The following TENM3 variants were observed in gnomAD, a reference collection of about 807,000 sequenced individuals.
TENM3 encodes teneurin-3.
In TENM3, 63 loss-of-function variants were observed where a neutral mutation model predicts 255.1. That is an observed-to-expected ratio of 0.25 (90% CI 0.20 to 0.30). The LOEUF (loss-of-function observed/expected upper bound fraction) is 0.30, where lower values mean the gene tolerates loss of function less well. Among genes scored for constraint, TENM3 ranks in the 10% least tolerant of loss-of-function variants. TENM3 has a pLI of 1.00. For missense variants in TENM3, 2,929 were observed against 3,461.1 expected (o/e 0.85, Z 3.86); for synonymous variants, 1,306 against 1,322.3 (o/e 0.99, Z 0.27).
At chr4:181,878,350 G>C in the TENM3 span, among the ~76,000 whole-genome samples, 3 of 152,042 alleles carry the variant, frequency 2.0e-5, no homozygotes, top group Non-Finnish European at 4.4e-5. Context: ...AGGGAGGAGA[G>C]AAGAGGGAGG....
chr4:181,479,724 T>C, the TENM3 span, among the ~76,000 whole-genome samples: 1 of 152,156 alleles, frequency 6.6e-6, no homozygotes, highest in Non-Finnish European at 1.5e-5. Flanking sequence ...TTTTGAACTG[T>C]TCTCCATGTA....
At chr4:182,011,955 C>G in the TENM3 span, among the ~76,000 whole-genome samples, 2 of 152,142 alleles carry the variant, frequency 1.3e-5, no homozygotes, top group Non-Finnish European at 2.9e-5. Flanking sequence ...ACAGACTAAG[C>G]CCATTCAAAG....
intron 1 of TENM3, among the ~76,000 whole-genome samples, chr4:182,147,347 A>C (rs149450135): frequency 3.3e-5 from 5 of 152,342 alleles, no homozygotes; most frequent in African/African-American, 1.2e-4. Context: ...TAGGGATACT[A>C]GGGAATAAGT....
the TENM3 span, among the ~76,000 whole-genome samples, chr4:181,826,429 G>A: frequency 2.0e-5 from 3 of 152,146 alleles, no homozygotes; most frequent in Non-Finnish European, 2.9e-5. Flanking sequence ...TAATTTATTT[G>A]TCTCACAAAG....
the TENM3 span, among the ~76,000 whole-genome samples, chr4:181,656,502 C>T: frequency 2.0e-5 from 3 of 152,152 alleles, no homozygotes; most frequent in African/African-American, 7.2e-5. Context: ...GGTGTGATGA[C>T]TGACATTCAG....
intron 4 of TENM3, among the ~76,000 whole-genome samples, chr4:182,609,421 G>T (rs933643566): frequency 1.3e-5 from 2 of 152,086 alleles, no homozygotes; most frequent in Non-Finnish European, 2.9e-5. Flanking sequence ...CAAACCTGAG[G>T]TAAAGTCTGT....
At chr4:181,522,739 C>T in the TENM3 span, 1 of 706,056 alleles carries the variant, frequency 1.4e-6, no homozygotes, top group South Asian at 1.4e-5. Context: ...TTGTTTCATT[C>T]TTCTAAGAAA....
At chr4:182,534,507 A>C (rs888667989) in intron 3 of TENM3, among the ~76,000 whole-genome samples, 3 of 152,210 alleles carry the variant, frequency 2.0e-5, no homozygotes, top group Non-Finnish European at 4.4e-5. Context: ...TTTGTAACCT[A>C]ATTAGAAAAA....
chr4:182,397,936 G>A (rs1768963677), intron 3 of TENM3, among the ~76,000 whole-genome samples: 1 of 152,178 alleles, frequency 6.6e-6, no homozygotes, highest in Non-Finnish European at 1.5e-5. Flanking sequence ...ACGCAGTGGT[G>A]ATTTCATTAG....
At chr4:182,050,000 A>AT in the TENM3 span, among the ~76,000 whole-genome samples, 134 of 93,892 alleles carry the variant, frequency 1.4e-3, 1 homozygote, top group East Asian at 0.01. Context: ...ATTAAAAAAA[A>AT]ATTTTTTTTT....
the TENM3 span, among the ~76,000 whole-genome samples, chr4:181,686,383 C>A: frequency 2.6e-5 from 4 of 152,114 alleles, no homozygotes; most frequent in Admixed American, 6.6e-5. Context: ...GTTGTTGAAT[C>A]AGACAGATTT....
chr4:182,426,007 C>CAAAAAAAAAAAAA (rs55836889), intron 3 of TENM3, among the ~76,000 whole-genome samples: 10 of 90,760 alleles, frequency 1.1e-4, no homozygotes, highest in Non-Finnish European at 1.3e-4. Flanking sequence ...GAGTCCATGT[C>CAAAAAAAAAAAAA]AAAAAAAAAA....
At chr4:182,524,573 C>A (rs7673657) in intron 3 of TENM3, among the ~76,000 whole-genome samples, 54,569 of 151,310 alleles carry the variant, frequency 0.36, 10,199 homozygotes, top group Admixed American at 0.41. Context: ...GTTGCCAGAG[C>A]TGATCTCAAA....
chr4:182,165,235 T>C (rs1751623822), intron 1 of TENM3, among the ~76,000 whole-genome samples: 1 of 152,204 alleles, frequency 6.6e-6, no homozygotes, highest in Non-Finnish European at 1.5e-5. Context: ...GAAGTGATTC[T>C]ATGATCAATA....
chr4:182,281,030 G>A (rs552026408), intron 1 of TENM3, among the ~76,000 whole-genome samples: 1 of 152,172 alleles, frequency 6.6e-6, no homozygotes, highest in African/African-American at 2.4e-5. Flanking sequence ...TCATCTGTCG[G>A]GTAATTTCTC....
intron 4 of TENM3, among the ~76,000 whole-genome samples, chr4:182,617,560 T>C (rs17324506): frequency 0.21 from 31,218 of 152,122 alleles, 3,724 homozygotes; most frequent in Non-Finnish European, 0.27. Context: ...TATATTTTGC[T>C]GGAAGGAAGA....
chr4:182,616,336 C>A, intron 4 of TENM3, among the ~76,000 whole-genome samples: 1 of 135,512 alleles, frequency 7.4e-6, no homozygotes, highest in Admixed American at 8.3e-5. Flanking sequence ...GAATGATGGT[C>A]ATAGGAAGGG....
chr4:182,173,503 A>G (rs1211605716), intron 1 of TENM3, among the ~76,000 whole-genome samples: 1 of 152,226 alleles, frequency 6.6e-6, no homozygotes, highest in Non-Finnish European at 1.5e-5. Context: ...ACCAATAAAA[A>G]GATGAGGAAT....
chr4:182,360,834 T>G (rs576798102), intron 3 of TENM3, among the ~76,000 whole-genome samples: 1 of 152,358 alleles, frequency 6.6e-6, no homozygotes, highest in East Asian at 1.9e-4. Flanking sequence ...CTTTACATTT[T>G]GGCATGATTT....
Sources: allele counts gnomAD v4.1 joint callset (sites outside exome capture counted in the v4.1 genomes callset), GRCh38; gene constraint gnomAD v4.1.1; transcripts MANE v1.5; gene names NCBI Gene and HGNC (gene_info 2026-07-23, HGNC 2026-07-21).